RELB: variants seen among roughly 807,000 people sequenced by gnomAD.
The protein encoded by RELB is RELB proto-oncogene, NF-kB subunit, also known as transcription factor RelB.
Under a neutral mutation model 55.4 loss-of-function variants are expected in RELB, and 14 were observed. The observed-to-expected ratio is 0.25, with a 90% CI of 0.17 to 0.40. The LOEUF is 0.40. Among genes scored for constraint, RELB ranks in the 10% least tolerant of loss-of-function variants. RELB has a pLI of 1.00. For synonymous variants in RELB, 409 were observed against 371.3 expected (o/e 1.10, Z -1.17); for missense variants, 669 against 830.7 (o/e 0.81, Z 2.39).
Position 45,012,084 on chromosome 19 carries a change from G to T in RELB, c.312G>T (p.Pro104=). 6.5e-7 allele frequency: 1 copy of T among 1,548,426 alleles called. No homozygotes were observed. The highest frequency in any genetic ancestry group is 1.4e-5 in the African/African-American group (1 of 70,546). Residue 104 remains proline (P), a synonymous_variant, in exon 4 of 12, where the codon CCG becomes CCT. Transcript: ENST00000221452. ...TLGPVAPPAT[P]PPWGCPLGRL... ...GCCCTGTGGCGCCCCCAGCCACGCCGCCGCCTTGGGGCTGCCCCCTGGGCC... is the reference window on the plus strand; with the variant it reads ...GCCCTGTGGCGCCCCCAGCCACGCCTCCGCCTTGGGGCTGCCCCCTGGGCC...
intron 4 of RELB, among the ~76,000 whole-genome samples, chr19:45,014,675 G>A (rs1299512097): frequency 6.6e-6 from 1 of 150,476 alleles, no homozygotes; most frequent in East Asian, 2.0e-4. Context: ...GCGCCATGAT[G>A]TCCGGCTAAT....
At chr19:45,018,771 G>T (rs1971450575) in intron 4 of RELB, among the ~76,000 whole-genome samples, 2 of 151,046 alleles carry the variant, frequency 1.3e-5, no homozygotes, top group African/African-American at 4.9e-5. Flanking sequence ...GTGCCTCCCA[G>T]GTTCAAGCGA....
Position 45,023,938 on chromosome 19 carries a change from ACGGGG to A in RELB, c.663-1390_663-1386del, listed in dbSNP as rs1416941923. 6.7e-5 allele frequency among the ~76,000 whole-genome samples: 9 copies of A among 134,084 alleles called. 1 individual carries two copies. The highest frequency in any genetic ancestry group is 1.1e-4 in the Non-Finnish European group (7 of 62,732). 88.0% of individuals were successfully genotyped at this position (134,084 alleles called of 152,430 possible). A position where few individuals can be genotyped will look rare whatever the true frequency, so the allele number is the denominator to read the frequency against. On this transcript the variant is annotated intron_variant, in intron 5 of 11. Coordinates refer to ENST00000221452, the MANE Select transcript of RELB (RefSeq NM_006509.4). ...GCTAATTTTTGTATTTTTAGTAGAG[ACGGGG>A]TTTCACCACGTTGGTCAGGCTGATC... is the stretch of plus-strand genomic sequence containing the variant.
chr19:45,021,717 G>A, intron 4 of RELB: 1 of 187,662 alleles, frequency 5.3e-6, no homozygotes, highest in Non-Finnish European at 1.1e-5. Context: ...TGGGATTACA[G>A]GCATGCGCCA....
In RELB at chr19:45,001,557, G is replaced by C. The variant is rs753969155; in HGVS notation, c.-23G>C. 3 of 1,398,564 alleles carry C rather than the reference G, an allele frequency of 2.1e-6. No individual in the cohort carries two copies. Among genetic ancestry groups the C allele is most frequent in the African/African-American group, 3.0e-5 (2 of 65,940 alleles). 86.6% of individuals were successfully genotyped at this position (1,398,564 alleles called of 1,614,324 possible). ...GATCGTCCACCAGACCGTGCCTCCC[G>C]GCCGCCCGGCCGGCCCGCGTGCATG... On this transcript the variant is annotated 5_prime_UTR_variant, in exon 1 of 12. Coordinates refer to ENST00000221452, the MANE Select transcript of RELB (RefSeq NM_006509.4).
chr19:45,018,412 A>G (rs1471752681), intron 4 of RELB, among the ~76,000 whole-genome samples: 2 of 151,760 alleles, frequency 1.3e-5, no homozygotes, highest in Non-Finnish European at 2.9e-5. Flanking sequence ...TCAAAAAAGT[A>G]AAATAAAATA....
Position 45,025,560 on chromosome 19 carries a change from G to C in RELB, c.755-46G>C, listed in dbSNP as rs1186288269. On this transcript the variant is annotated intron_variant, in intron 6 of 11. Coordinates refer to ENST00000221452, the MANE Select transcript of RELB (RefSeq NM_006509.4). ...TCCCCGTTCCCCTGTACCCCAGAGA[G>C]GGTCTCCACTTCCCACCCTCAGCCT... 4.3e-6 allele frequency: 7 copies of C among 1,611,498 alleles called. No individual in the cohort carries two copies. The South Asian group carries it at 7.7e-5, about 18-fold the overall frequency.
intron 3 of RELB, among the ~76,000 whole-genome samples, chr19:45,011,114 A>G (rs915827743): frequency 6.6e-6 from 1 of 152,014 alleles, no homozygotes; most frequent in Non-Finnish European, 1.5e-5. Context: ...GGCCTCCCAA[A>G]GTGCTGGGAT....
intron 7 of RELB, 93 bp from the exon 8 acceptor site, chr19:45,028,795 C>CG: frequency 2.0e-6 from 2 of 988,616 alleles, no homozygotes; most frequent in Non-Finnish European, 3.1e-6. Flanking sequence ...TCCAGGGCCC[C>CG]GGGGATGGCA....
At chr19:45,035,248 G>A (rs1462328652) in intron 11 of RELB, among the ~76,000 whole-genome samples, 1 of 152,120 alleles carries the variant, frequency 6.6e-6, no homozygotes, top group Non-Finnish European at 1.5e-5. Context: ...GGGACTGAAA[G>A]TGGCTCATGC....
At chr19:45,023,496 G>A (rs1379959339) in intron 5 of RELB, among the ~76,000 whole-genome samples, 1 of 151,508 alleles carries the variant, frequency 6.6e-6, no homozygotes, top group African/African-American at 2.4e-5. Flanking sequence ...GGAATGCAGT[G>A]GCGCGATCTC....
At chr19:45,003,527 C>G in intron 2 of RELB, 1 of 510,588 alleles carries the variant, frequency 2.0e-6, no homozygotes, top group South Asian at 1.4e-5. Flanking sequence ...TACCACCTAT[C>G]CATGCGCAAA....
chr19:45,021,086 A>T (rs1472031571), intron 4 of RELB, among the ~76,000 whole-genome samples: 1 of 152,002 alleles, frequency 6.6e-6, no homozygotes, highest in African/African-American at 2.4e-5. Flanking sequence ...GCGGCAGGAG[A>T]ATCCCTTGAG....
At chr19:45,032,480 G>A in intron 8 of RELB, 54 bp from the exon 9 acceptor site, 1 of 1,450,944 alleles carries the variant, frequency 6.9e-7, no homozygotes, top group Non-Finnish European at 9.5e-7. Flanking sequence ...GGCAAGTTGG[G>A]AGCACAGTGG....
intron 4 of RELB, among the ~76,000 whole-genome samples, chr19:45,018,864 C>T (rs192085917): frequency 1.8e-4 from 27 of 151,648 alleles, no homozygotes; most frequent in Admixed American, 2.6e-4. Flanking sequence ...TTAGTAGAGA[C>T]GGGGTTTCTC....
chr19:45,010,465 T>G (rs1971337245), intron 3 of RELB, among the ~76,000 whole-genome samples: 1 of 150,694 alleles, frequency 6.6e-6, no homozygotes, highest in Non-Finnish European at 1.5e-5. Context: ...CAGAGGAAAA[T>G]GAACAGATGA....
rs58500013 is a variant in RELB, at chr19:45,011,797, T to TGAGAGA, written c.164-106_164-101dup. On this transcript the variant is annotated intron_variant, in intron 3 of 11. Coordinates refer to ENST00000221452, the MANE Select transcript of RELB (RefSeq NM_006509.4). ...GTGTGTGTGTGTGTGTGTGTGTGTG[T>TGAGAGA]GAGAGAGAGAGAGAGAGAGAGAGAG... is the stretch of plus-strand genomic sequence containing the variant. The TGAGAGA allele has an allele frequency of 4.9e-3, 341 of 69,770 alleles. 1 individual carries two copies. The highest frequency in any genetic ancestry group is 0.019 in the South Asian group (96 of 5,120). 4.3% of individuals were successfully genotyped at this position (69,770 alleles called of 1,614,324 possible).
chr19:45,012,391 C>G, intron 4 of RELB, 115 bp downstream of exon 4: 3 of 627,534 alleles, frequency 4.8e-6, no homozygotes, highest in Non-Finnish European at 4.8e-6. Context: ...TATTGTTGGA[C>G]CAGATATTAA....
In RELB at chr19:45,025,729, A is replaced by G. The variant is rs1221620340; in HGVS notation, c.878A>G (p.Tyr293Cys). ...RMDPVLSEPV[Y>C]DKKSTNTSEL... ...GATCCTGTGCTTTCCGAGCCCGTCTATGACAAGAGTGAGTTGAGAGTGCTG... is the reference window on the plus strand; with the variant it reads ...GATCCTGTGCTTTCCGAGCCCGTCTGTGACAAGAGTGAGTTGAGAGTGCTG... The change falls in exon 7 of 12, where the codon TAT becomes TGT. Residue 293 changes from tyrosine (Y) to cysteine (C), a missense_variant. Physicochemically the swap from Tyr to Cys is radical, Grantham distance 194. Coordinates refer to ENST00000221452, the MANE Select transcript of RELB (RefSeq NM_006509.4). The G allele has an allele frequency of 6.2e-7, 1 of 1,613,948 alleles. No individual in the cohort carries two copies. The highest frequency in any genetic ancestry group is 8.5e-7 in the Non-Finnish European group (1 of 1,179,870).
Sources: allele counts gnomAD v4.1 joint callset (sites outside exome capture counted in the v4.1 genomes callset), GRCh38; gene constraint gnomAD v4.1.1; transcripts MANE v1.5; gene names NCBI Gene and HGNC (gene_info 2026-07-23, HGNC 2026-07-21).